MGAT5B: variants seen among roughly 807,000 people sequenced by gnomAD.
The protein encoded by MGAT5B is N-acetylglucosaminyl-transferase Vb.
A neutral mutation model predicts 95.1 loss-of-function variants in MGAT5B; 54 were observed. The observed-to-expected ratio is 0.57, with a 90% confidence interval of 0.46 to 0.71. The LOEUF is 0.71. Ranked by LOEUF, MGAT5B falls within the 30% of genes least tolerant of loss-of-function variation. MGAT5B has a pLI of 0.00. For synonymous variants in MGAT5B, 464 were observed against 451.0 expected, an observed-to-expected ratio of 1.03 and a Z score of -0.36; for missense variants, 935 against 1,088.6, an observed-to-expected ratio of 0.86 and a Z score of 1.99.
rs1040105283 is a variant in MGAT5B at position 76,918,704 on chromosome 17, G to A, written c.1026-6262G>A. Among the ~76,000 whole-genome samples, 20 of 152,136 alleles carry A rather than the reference G, an allele frequency of 1.3e-4. No homozygotes were observed. Among genetic ancestry groups the A allele is most frequent in the Non-Finnish European group, 2.2e-4 (15 of 68,020 alleles). ...GGGCTGCCCATGATACTTGGGAAAC[G>A]GGCACTGGTCAGGTTTGGAGGATTT... On this transcript the variant is annotated intron_variant, in intron 8 of 17. Transcript: ENST00000569840. The surrounding 1 kb of genome is among the most constrained non-coding windows in gnomAD (Gnocchi z 5.1).
chr17:76,903,382 G>T lies in MGAT5B; in HGVS notation c.519+6G>T. The T allele has an allele frequency of 6.2e-7, 1 of 1,608,366 alleles. No individual in the cohort carries two copies. Among genetic ancestry groups the T allele is most frequent in the Non-Finnish European group, 8.5e-7 (1 of 1,177,174 alleles). On this transcript the variant is annotated splice_donor_region_variant and intron_variant, in intron 5 of 17. Transcript: ENST00000569840. The stretch of plus-strand genomic sequence containing the variant: ...ACTGCTCAGGGAAGGTGGAGGTGAG[G>T]CCTGGGGCTGAGGGGTGGGGATGTC...
At chr17:76,898,739 A>G (rs543415901) in intron 3 of MGAT5B, among the ~76,000 whole-genome samples, 257 of 152,188 alleles carry the variant, frequency 1.7e-3, no homozygotes, top group African/African-American at 5.9e-3. Flanking sequence ...TGGTTACATG[A>G]GTAAGTTCTT....
chr17:76,947,248 T>C (rs1341669723), intron 16 of MGAT5B, among the ~76,000 whole-genome samples: 2 of 152,156 alleles, frequency 1.3e-5, no homozygotes, highest in Non-Finnish European at 1.5e-5. Context: ...CCACCAATAT[T>C]AGGGGCTGAG....
rs1440355261 is a variant in MGAT5B at position 76,925,001 on chromosome 17, C to G, written c.1061C>G (p.Pro354Arg). The stretch of plus-strand genomic sequence containing the variant: ...GTACCGCCAGGCCGGGGAAGCTGCC[C>G]GCTCACCATGCCCCTGCCCTTCGAC... ...LGVPPGRGSC[P>R]LTMPLPFDLI... The change falls in exon 9 of 18, where the codon CCG (proline) becomes CGG (arginine). Residue 354 changes from proline to arginine, a missense_variant. By Grantham distance (103) the Pro-to-Arg change is moderately radical. Coordinates refer to ENST00000569840, the MANE Select transcript of MGAT5B (RefSeq NM_001199172.2). The G allele has an allele frequency of 6.2e-7, 1 of 1,611,776 alleles. No individual in the cohort carries two copies. The highest frequency in any genetic ancestry group is 2.2e-5 in the East Asian group (1 of 44,742).
intron 3 of MGAT5B, among the ~76,000 whole-genome samples, chr17:76,887,952 G>A (rs1035789880): frequency 3.3e-5 from 5 of 151,886 alleles, no homozygotes; most frequent in African/African-American, 1.2e-4. Flanking sequence ...AAGAGCCCAG[G>A]TCCTTCCATT....
chr17:76,882,835 C>T (rs1742449846), intron 3 of MGAT5B, among the ~76,000 whole-genome samples: 3 of 151,392 alleles, frequency 2.0e-5, no homozygotes, highest in Admixed American at 2.0e-4. Context: ...CCACCCCAGC[C>T]TCCTGAGTAG....
At position 76,915,724 on chromosome 17, in the gene MGAT5B, C is replaced by T. The variant is rs2145216763; in HGVS notation, c.1026-9242C>T. On this transcript the variant is annotated intron_variant, in intron 8 of 17. Coordinates refer to ENST00000569840, the MANE Select transcript of MGAT5B (RefSeq NM_001199172.2). The surrounding 1 kb of genome is among the most constrained non-coding windows in gnomAD (Gnocchi z 8.7). ...ATGGCAGCTCTCCTGCATCACCCTC[C>T]CCGTTCCAAGAGGAGGCACGAGAGG... 6.6e-6 allele frequency among the ~76,000 whole-genome samples: 1 copy of T among 152,318 alleles called. No homozygotes were observed. Among genetic ancestry groups the T allele is most frequent in the East Asian group, 1.9e-4 (1 of 5,190 alleles).
intron 2 of MGAT5B, among the ~76,000 whole-genome samples, chr17:76,873,610 T>G (rs1342094721): frequency 6.6e-6 from 1 of 152,164 alleles, no homozygotes; most frequent in Non-Finnish European, 1.5e-5. Context: ...ACGTGGACAT[T>G]ACCCAGCATG....
intron 10 of MGAT5B, 83 bp downstream of exon 10, chr17:76,926,813 G>C: frequency 6.6e-7 from 1 of 1,513,232 alleles, no homozygotes; most frequent in Non-Finnish European, 9.0e-7. Flanking sequence ...CCAGGGTCTC[G>C]CTCCTCCCTC....
intron 3 of MGAT5B, 64 bp from the exon 4 acceptor site, chr17:76,902,491 A>G (rs1294844418): frequency 2.4e-6 from 3 of 1,255,102 alleles, no homozygotes; most frequent in African/African-American, 3.0e-5. Context: ...CCTTACTGGC[A>G]GGACCCTCAT....
chr17:76,885,958 A>C (rs975468824), intron 3 of MGAT5B, among the ~76,000 whole-genome samples: 2 of 152,182 alleles, frequency 1.3e-5, no homozygotes, highest in Admixed American at 6.5e-5. Flanking sequence ...GCTTAAAAAA[A>C]ACACGTCCCC....
At chr17:76,934,572 G>A (rs972079650) in intron 12 of MGAT5B, among the ~76,000 whole-genome samples, 53 of 152,172 alleles carry the variant, frequency 3.5e-4, no homozygotes, top group South Asian at 1.5e-3. Context: ...AGGGAAGCCC[G>A]GGAAGCTGTG....
rs1480644907 is a variant in MGAT5B at position 76,918,879 on chromosome 17, C to T, written c.1026-6087C>T. On this transcript the variant is annotated intron_variant, in intron 8 of 17. Transcript: ENST00000569840. The surrounding 1 kb of genome is among the most constrained non-coding windows in gnomAD (Gnocchi z 5.1). ...TTGCAAGGATTCTTTTTAATTAGGT[C>T]CCTCCCACACAAGAGAAAGAGAGAG... 6.8e-6 allele frequency among the ~76,000 whole-genome samples: 1 copy of T among 147,558 alleles called. No homozygotes were observed. The highest frequency in any genetic ancestry group is 2.1e-4 in the East Asian group (1 of 4,824).
At chr17:76,876,261 G>T (rs1217285734) in intron 2 of MGAT5B, among the ~76,000 whole-genome samples, 2 of 152,084 alleles carry the variant, frequency 1.3e-5, no homozygotes, top group Non-Finnish European at 2.9e-5. Flanking sequence ...AGATGCCTGA[G>T]GGAAGGATTA....
chr17:76,944,512 C>T (rs1387191772), intron 15 of MGAT5B, among the ~76,000 whole-genome samples: 2 of 152,164 alleles, frequency 1.3e-5, no homozygotes, highest in Admixed American at 6.5e-5. Flanking sequence ...CCAGCTGGGG[C>T]AGCAACTGGC....
intron 12 of MGAT5B, among the ~76,000 whole-genome samples, chr17:76,934,390 T>C (rs560063868): frequency 6.6e-6 from 1 of 152,270 alleles, no homozygotes; most frequent in East Asian, 1.9e-4. Context: ...CAGGGGTGCT[T>C]GGCCCTGACC....
At chr17:76,932,089 C>A (rs993658937) in intron 10 of MGAT5B, among the ~76,000 whole-genome samples, 1 of 141,318 alleles carries the variant, frequency 7.1e-6, no homozygotes, top group Non-Finnish European at 1.5e-5. Flanking sequence ...TCCTCCTCCC[C>A]CCCCCCTTCT....
In MGAT5B at chr17:76,902,574, C is replaced by T. The variant is rs774566793; in HGVS notation, c.349C>T (p.Leu117Phe). The T allele has an allele frequency of 5.6e-6, 9 of 1,598,464 alleles. No homozygotes were observed. Among genetic ancestry groups the T allele is most frequent in the Middle Eastern group, 1.7e-4 (1 of 6,038 alleles). ...ACTTAGGATGCCCCCTGGGGCCGGC[C>T]TCATGGAGCGGATCCAGGCTATTGC... is the stretch of plus-strand genomic sequence containing the variant. ...PADRMPPGAG[L>F]MERIQAIAQN... The change falls in exon 4 of 18, where the codon CTC (leucine) becomes TTC (phenylalanine). Residue 117 changes from leucine (L) to phenylalanine (F), a missense_variant. Transcript: ENST00000569840.
chr17:76,904,456 C>T (rs1231120719), intron 6 of MGAT5B, 34 bp downstream of exon 6: 1 of 1,538,038 alleles, frequency 6.5e-7, no homozygotes, highest in Non-Finnish European at 8.8e-7. Context: ...CGGTGAGGGG[C>T]TGGTGTGGCT....
Sources: gnomAD v4.1 joint callset for allele counts (sites outside exome capture counted in the v4.1 genomes callset) on GRCh38, gnomAD v4.1.1 for gene constraint, Gnocchi (gnomAD v3.1) non-coding constraint, MANE v1.5 for transcripts, NCBI Gene and HGNC (gene_info 2026-07-23, HGNC 2026-07-21) for gene names.